ESPN: variants seen among roughly 807,000 people sequenced by gnomAD.
ESPN encodes autosomal recessive deafness type 36 protein.
In ESPN, 68 loss-of-function variants were observed where a neutral mutation model predicts 77.7. The ratio of observed to expected loss-of-function variants is 0.87; its 90% confidence interval spans 0.72 to 1.07. The LOEUF is 1.07. Ranked by LOEUF, ESPN falls within the 50% of genes least tolerant of loss-of-function variation. ESPN has a pLI of 0.00. For synonymous variants in ESPN, 449 were observed against 567.1 expected (o/e 0.79, Z 2.96); for missense variants, 1,060 against 1,239.0 (o/e 0.86, Z 2.17).
At chr1:6,442,398 A>G (rs143053025) in intron 5 of ESPN, among the ~76,000 whole-genome samples, 3,351 of 147,770 alleles carry the variant, frequency 0.023, 123 homozygotes, top group African/African-American at 0.079. Context: ...GTGAAATCCC[A>G]TCTCTACTAA....
chr1:6,451,637 C>T lies in ESPN; in HGVS notation c.1950C>T (p.Gly650=), dbSNP rs116163286. 2.7e-4 allele frequency: 435 copies of T among 1,613,224 alleles called. 1 individual carries two copies. The African/African-American group carries it at 5.0e-3, about 18-fold the overall frequency. ...CTTTCAACATGATGTCCCCGACGGG[C>T]GACAACTCGGAGCTACTGGCTGAGA... ...TKSFNMMSPT[G]DNSELLAEIK... Residue 650 remains glycine (G), a synonymous_variant, in exon 9 of 13, where the codon GGC becomes GGT. Transcript: ENST00000645284. The surrounding 1 kb of genome is among the most constrained non-coding windows in gnomAD (Gnocchi z 4.3).
At chr1:6,440,898 C>T (rs3817916) in intron 4 of ESPN, 36 bp from the exon 5 acceptor site, 15 of 1,542,396 alleles carry the variant, frequency 9.7e-6, no homozygotes, top group African/African-American at 2.7e-5. Flanking sequence ...TCCCAGCTCG[C>T]GGCCGCGGCC....
At chr1:6,436,090 A>G (rs1488985037) in intron 2 of ESPN, among the ~76,000 whole-genome samples, 1 of 152,136 alleles carries the variant, frequency 6.6e-6, no homozygotes. Flanking sequence ...CTGAGTTCCC[A>G]GCAGTGAGGT....
chr1:6,425,007 C>G lies in ESPN; in HGVS notation c.52C>G (p.Leu18Val), dbSNP rs1240875389. 1.2e-5 allele frequency: 18 copies of G among 1,467,802 alleles called. No individual in the cohort carries two copies. The highest frequency in any genetic ancestry group is 1.6e-5 in the Non-Finnish European group (18 of 1,115,814). The allele number at this position is 1,467,802 out of a possible 1,614,324, so 90.9% of individuals were successfully genotyped here. A position where few individuals can be genotyped will look rare whatever the true frequency, so the allele number is the denominator to read the frequency against. ...GGCGCGGCAGGGCGAGCTGGACGTG[C>G]TGAGGTCGCTGCACGCCGCAGGCCT... ...QAARQGELDV[L>V]RSLHAAGLLG... Residue 18 changes from leucine (L) to valine (V), a missense_variant, in exon 1 of 13, where the codon CTG becomes GTG. Physicochemically the swap from Leu to Val is conservative, Grantham distance 32. Around this residue, in one of 3 missense-constraint regions of ESPN, gnomAD observed 556 missense variants for 633.6 expected, o/e 0.88. Coordinates refer to ENST00000645284, the MANE Select transcript of ESPN (RefSeq NM_031475.3).
rs6678405 is a variant in ESPN, at chr1:6,440,656, C to G, written c.706C>G (p.Gln236Glu). ...CTGCACCGACGTGAGCCTGTCCGAGCAGGACAAAGACGGCGCCACCGCCAT... is the reference window on the plus strand; with the variant it reads ...CTGCACCGACGTGAGCCTGTCCGAGGAGGACAAAGACGGCGCCACCGCCAT... Reference protein sequence around the residue: ...VSCTDVSLSEQDKDGATAMHF... With the variant: ...VSCTDVSLSEEDKDGATAMHF... The change falls in exon 4 of 13, where the codon CAG (glutamine) becomes GAG (glutamate). Residue 236 changes from glutamine to glutamate, a missense_variant. Gln to Glu is a conservative substitution (Grantham distance 29, BLOSUM62 2). Coordinates refer to ENST00000645284, the MANE Select transcript of ESPN (RefSeq NM_031475.3). 6.6e-3 allele frequency: 10,117 copies of G among 1,524,536 alleles called. 526 individuals carry two copies. The African/African-American group carries it at 0.13, about 19-fold the overall frequency. 94.4% of individuals were successfully genotyped at this position (1,524,536 alleles called of 1,614,324 possible).
At chr1:6,449,475 G>A (rs1334069517) in intron 8 of ESPN, among the ~76,000 whole-genome samples, 1 of 152,192 alleles carries the variant, frequency 6.6e-6, no homozygotes, top group African/African-American at 2.4e-5. Context: ...TGGTACTGGA[G>A]GGACACTCGA....
At chr1:6,458,355 G>A (rs1386620949) in intron 12 of ESPN, among the ~76,000 whole-genome samples, 1 of 149,902 alleles carries the variant, frequency 6.7e-6, no homozygotes, top group African/African-American at 2.5e-5. Flanking sequence ...TGCTCTTGTT[G>A]TCCAGGCTGG....
At chr1:6,435,554 G>A (rs1455691915) in intron 2 of ESPN, among the ~76,000 whole-genome samples, 17 of 152,348 alleles carry the variant, frequency 1.1e-4, no homozygotes, top group Non-Finnish European at 2.9e-5. Flanking sequence ...CCTACAAAGA[G>A]GGTTTGGGTC....
rs55884073 is a variant in ESPN, at chr1:6,441,092, C to T, written c.990+27C>T. The T allele has an allele frequency of 0.05, 80,422 of 1,605,216 alleles. 2,378 individuals are homozygous for T. The highest frequency in any genetic ancestry group is 0.058 in the Non-Finnish European group (68,548 of 1,176,658). On this transcript the variant is annotated intron_variant, in intron 5 of 12. Transcript: ENST00000645284. ...TACGATCCCTGAGCTGCTCCTGTCG[C>T]ATTCTTTCTTCTCGCCCCTCCACCC...
Position 6,451,339 on chromosome 1 carries a change from C to G in ESPN, c.1916-264C>G. ...TATGCCCAAGAGCCACCATGAACTC[C>G]CAGGGGCCTCCAGGCAGGGGCCCTC... On this transcript the variant is annotated intron_variant, in intron 8 of 12. Transcript: ENST00000645284. The surrounding 1 kb of genome is among the most constrained non-coding windows in gnomAD (Gnocchi z 4.3). The G allele has an allele frequency of 1.8e-6, 1 of 555,264 alleles. No individual in the cohort carries two copies. Among genetic ancestry groups the G allele is most frequent in the Non-Finnish European group, 3.2e-6 (1 of 309,144 alleles). 34.4% of individuals were successfully genotyped at this position (555,264 alleles called of 1,614,324 possible).
intron 2 of ESPN, among the ~76,000 whole-genome samples, chr1:6,429,522 C>A (rs150638353): frequency 6.6e-6 from 1 of 152,130 alleles, no homozygotes; most frequent in Non-Finnish European, 1.5e-5. Flanking sequence ...CCCACCCTCA[C>A]GGCGGTGATT....
At position 6,447,219 on chromosome 1, in the gene ESPN, C is replaced by G. The variant is rs1354280879; in HGVS notation, c.1464+1284C>G. The G allele has an allele frequency of 3.3e-5, 5 of 152,604 alleles. No individual in the cohort carries two copies. The highest frequency in any genetic ancestry group is 1.2e-4 in the African/African-American group (5 of 41,414). The allele number at this position is 152,604 out of a possible 1,614,324, so 9.5% of individuals were successfully genotyped here. ...TGCGCCCCTCCCCACTGTGTGCGCC[C>G]CTCCCGGCTATGTGCGTCCATCTCG... On this transcript the variant is annotated intron_variant, in intron 7 of 12. Coordinates refer to ENST00000645284, the MANE Select transcript of ESPN (RefSeq NM_031475.3). This position sits in a 1 kb window ranked among gnomAD's most constrained non-coding sequence, Gnocchi z 5.2.
chr1:6,436,166 A>G (rs1322821023), intron 2 of ESPN, among the ~76,000 whole-genome samples: 1 of 150,752 alleles, frequency 6.6e-6, no homozygotes, highest in Non-Finnish European at 1.5e-5. Flanking sequence ...ACCAACCAAG[A>G]GCAGAAGGGG....
At position 6,440,763 on chromosome 1, in the gene ESPN, G is replaced by T. The variant is rs763160001; in HGVS notation, c.813G>T (p.Trp271Cys). ...GCGGGGAGATCTCGGCTGACCTGTGGGGCGGGACCCCGCTGCACGACGCCG... is the reference window on the plus strand; with the variant it reads ...GCGGGGAGATCTCGGCTGACCTGTGTGGCGGGACCCCGCTGCACGACGCCG... Reference protein sequence around the residue: ...LHGGEISADLWGGTPLHDAAE... With the variant: ...LHGGEISADLCGGTPLHDAAE... Residue 271 changes from tryptophan (W) to cysteine (C), a missense_variant, in exon 4 of 13, where the codon TGG becomes TGT. This residue lies in a region of ESPN where 556 missense variants were observed against 633.6 expected (regional missense o/e 0.88). Transcript: ENST00000645284. 3 of 1,532,684 alleles carry T rather than the reference G, an allele frequency of 2.0e-6. No individual in the cohort carries two copies. The East Asian group carries it at 7.6e-5, about 39-fold the overall frequency. The allele number at this position is 1,532,684 out of a possible 1,614,324, so 94.9% of individuals were successfully genotyped here. A position where few individuals can be genotyped will look rare whatever the true frequency, so the allele number is the denominator to read the frequency against.
chr1:6,455,247 G>A (rs1412243783), intron 10 of ESPN: 4 of 389,832 alleles, frequency 1.0e-5, no homozygotes, highest in Admixed American at 4.5e-5. Context: ...GCTGCGCGGC[G>A]TCCAGGACTA....
chr1:6,442,447 G>A (rs1217607160), intron 5 of ESPN, among the ~76,000 whole-genome samples: 7 of 151,622 alleles, frequency 4.6e-5, no homozygotes, highest in East Asian at 3.9e-4. Flanking sequence ...GGTAGCACAC[G>A]CCTGTAGTCC....
intron 2 of ESPN, among the ~76,000 whole-genome samples, chr1:6,434,724 T>C (rs75014205): frequency 6.6e-6 from 1 of 152,102 alleles, no homozygotes; most frequent in African/African-American, 2.4e-5. Context: ...CTTCTATCCA[T>C]GTGTGTATGG....
chr1:6,445,114 T>C (rs547382340), intron 6 of ESPN, among the ~76,000 whole-genome samples: 9 of 151,976 alleles, frequency 5.9e-5, no homozygotes, highest in East Asian at 5.8e-4. Flanking sequence ...CACACACACA[T>C]ACACACCATG....
At chr1:6,445,271 G>A (rs892677650) in intron 6 of ESPN, among the ~76,000 whole-genome samples, 2 of 152,256 alleles carry the variant, frequency 1.3e-5, no homozygotes, top group African/African-American at 4.8e-5. Context: ...GAGCATGGGC[G>A]TCCGTCCACT....
Sources: allele counts gnomAD v4.1 joint callset (sites outside exome capture counted in the v4.1 genomes callset), GRCh38; gene constraint gnomAD v4.1.1; regional missense constraint gnomAD v4.1.1; non-coding constraint Gnocchi (gnomAD v3.1); transcripts MANE v1.5; gene names NCBI Gene and HGNC (gene_info 2026-07-23, HGNC 2026-07-21).